RIMS2: variants seen among roughly 807,000 people sequenced by gnomAD.
The protein encoded by RIMS2 is regulating synaptic membrane exocytosis 2, also known as regulating synaptic membrane exocytosis protein 2.
Under a neutral mutation model 174.4 loss-of-function variants are expected in RIMS2, and 59 were observed. The observed-to-expected ratio is 0.34, with a 90% CI of 0.27 to 0.42. The LOEUF (loss-of-function observed/expected upper bound fraction) is 0.42, where lower values mean the gene tolerates loss of function less well. Among genes scored for constraint, RIMS2 ranks in the 10% least tolerant of loss-of-function variants. The pLI is 1.00. For synonymous variants in RIMS2, 606 were observed against 572.5 expected (o/e 1.06, Z -0.84); for missense variants, 1,620 against 1,666.3 (o/e 0.97, Z 0.48).
intron 19 of RIMS2, among the ~76,000 whole-genome samples, chr8:104,211,082 A>T (rs549221767): frequency 5.3e-5 from 8 of 152,334 alleles, no homozygotes; most frequent in South Asian, 4.1e-4. Context: ...AATTTATTTT[A>T]TTACATTAAC....
chr8:103,675,767 C>T (rs1283775672), intron 1 of RIMS2, among the ~76,000 whole-genome samples: 2 of 151,930 alleles, frequency 1.3e-5, no homozygotes, highest in African/African-American at 4.8e-5. Flanking sequence ...AGCACATGCA[C>T]ATAACACATA....
At chr8:103,538,106 T>C (rs2131147754) in intron 1 of RIMS2, among the ~76,000 whole-genome samples, 1 of 152,156 alleles carries the variant, frequency 6.6e-6, no homozygotes, top group East Asian at 1.9e-4. Flanking sequence ...CTATGGTCTT[T>C]AAAATGGCAT....
intron 17 of RIMS2, chr8:103,998,235 A>G (rs1282477851): frequency 1.2e-6 from 2 of 1,608,180 alleles, no homozygotes; most frequent in East Asian, 4.5e-5. Flanking sequence ...ATTGACCATC[A>G]TCACAGGGAT....
At chr8:104,105,180 G>A (rs1474787295) in intron 19 of RIMS2, among the ~76,000 whole-genome samples, 1 of 152,116 alleles carries the variant, frequency 6.6e-6, no homozygotes, top group Non-Finnish European at 1.5e-5. Flanking sequence ...TACCAGAAAG[G>A]GAATAAAAGG....
intron 4 of RIMS2, among the ~76,000 whole-genome samples, chr8:103,893,107 A>G (rs1024292686): frequency 1.3e-5 from 2 of 152,208 alleles, no homozygotes; most frequent in African/African-American, 2.4e-5. Context: ...CAATATTTCA[A>G]GAGGGATAGA....
intron 4 of RIMS2, among the ~76,000 whole-genome samples, chr8:103,901,778 A>T (rs1407808094): frequency 6.6e-6 from 1 of 152,186 alleles, no homozygotes; most frequent in African/African-American, 2.4e-5. Flanking sequence ...TTATCATCCT[A>T]TTTCAAATTC....
intron 1 of RIMS2, among the ~76,000 whole-genome samples, chr8:103,633,102 C>A (rs2095981807): frequency 6.6e-6 from 1 of 151,022 alleles, no homozygotes; most frequent in South Asian, 2.1e-4. Flanking sequence ...TCTCGGCTCA[C>A]TGCAACCTCC....
At chr8:104,255,556 C>CT (rs1359448173), downstream of RIMS2, 1 of 152,284 alleles carries the variant, frequency 6.6e-6, no homozygotes, top group Non-Finnish European at 1.5e-5. Flanking sequence ...AACACCTTCA[C>CT]TTTCCCAGGG....
chr8:103,679,176 A>G (rs2096849994), intron 1 of RIMS2, among the ~76,000 whole-genome samples: 1 of 152,060 alleles, frequency 6.6e-6, no homozygotes, highest in African/African-American at 2.4e-5. Context: ...CCTGAAATAT[A>G]TGGATTCTCC....
At chr8:104,155,763 T>C (rs1350166623) in intron 19 of RIMS2, among the ~76,000 whole-genome samples, 1 of 152,128 alleles carries the variant, frequency 6.6e-6, no homozygotes, top group Non-Finnish European at 1.5e-5. Flanking sequence ...GGAAAGTGGC[T>C]TAAAAAGATT....
chr8:103,706,285 A>G (rs181829658), intron 2 of RIMS2, among the ~76,000 whole-genome samples: 48 of 152,202 alleles, frequency 3.2e-4, no homozygotes, highest in African/African-American at 1.1e-3. Context: ...AGATTGTTGT[A>G]GTTATTACTT....
intron 1 of RIMS2, among the ~76,000 whole-genome samples, chr8:103,611,285 T>C (rs191557214): frequency 6.6e-6 from 1 of 152,324 alleles, no homozygotes; most frequent in African/African-American, 2.4e-5. Context: ...CTTGATAGAT[T>C]ATTGTTATGA....
At chr8:103,747,871 A>G (rs1010249262) in intron 2 of RIMS2, among the ~76,000 whole-genome samples, 3 of 152,134 alleles carry the variant, frequency 2.0e-5, no homozygotes, top group African/African-American at 4.8e-5. Flanking sequence ...CTTAGATATA[A>G]ATAAGGCTGT....
At chr8:103,529,484 T>C (rs773534867) in intron 1 of RIMS2, among the ~76,000 whole-genome samples, 6 of 152,124 alleles carry the variant, frequency 3.9e-5, no homozygotes, top group Non-Finnish European at 7.4e-5. Context: ...AAAAGTGCAG[T>C]ATTAGTGTGG....
At chr8:103,840,834 G>A (rs1459168905) in intron 3 of RIMS2, among the ~76,000 whole-genome samples, 1 of 152,154 alleles carries the variant, frequency 6.6e-6, no homozygotes, top group Non-Finnish European at 1.5e-5. Flanking sequence ...AAACCAGGCA[G>A]CTGCTGGAAG....
intron 1 of RIMS2, among the ~76,000 whole-genome samples, chr8:103,626,715 G>C (rs1209221100): frequency 1.3e-5 from 2 of 152,110 alleles, no homozygotes; most frequent in Admixed American, 1.3e-4. Context: ...AGAGTACAAA[G>C]AGAGAAATTT....
chr8:103,988,230 CA>C (rs1208899097), intron 16 of RIMS2, among the ~76,000 whole-genome samples: 1 of 152,144 alleles, frequency 6.6e-6, no homozygotes, highest in Non-Finnish European at 1.5e-5. Context: ...TATACATTTA[CA>C]GCGATATTTG....
At chr8:103,859,379 A>G (rs904940089) in intron 3 of RIMS2, among the ~76,000 whole-genome samples, 1 of 152,048 alleles carries the variant, frequency 6.6e-6, no homozygotes, top group African/African-American at 2.4e-5. Flanking sequence ...GGAGGGATGT[A>G]CTATTTCCTC....
rs2077026248 is a variant in RIMS2, at chr8:103,918,502, T to C, written c.2083+15T>C. The C allele has an allele frequency of 1.3e-6, 2 of 1,578,396 alleles. No individual in the cohort carries two copies. The highest frequency in any genetic ancestry group is 1.3e-5 in the African/African-American group (1 of 74,334). On this transcript the variant is annotated intron_variant, in intron 9 of 23. Transcript: ENST00000504942. Reference sequence around the variant, plus strand: ...ACTGGAGTCCAGTAAGTTTTATTTATGCTGGAAGAAAACGTTATTTATAAT... The same window carrying C: ...ACTGGAGTCCAGTAAGTTTTATTTACGCTGGAAGAAAACGTTATTTATAAT...
Sources: allele counts gnomAD v4.1 joint callset (sites outside exome capture counted in the v4.1 genomes callset), GRCh38; gene constraint gnomAD v4.1.1; transcripts MANE v1.5; gene names NCBI Gene and HGNC (gene_info 2026-07-23, HGNC 2026-07-21).